COL26A1: variants seen among roughly 807,000 people sequenced by gnomAD.
COL26A1 encodes collagen type XXVI alpha 1 chain.
In COL26A1, 41 loss-of-function variants were observed where a neutral mutation model predicts 59.3. That is an observed-to-expected ratio of 0.69 (90% CI 0.54 to 0.90). The LOEUF is 0.90. Ranked by LOEUF, COL26A1 falls within the 40% of genes least tolerant of loss-of-function variation. The probability of loss-of-function intolerance (pLI) is 0.00; values close to 1 mark genes in which losing one functional copy is unlikely to be tolerated. For synonymous variants in COL26A1, 266 were observed against 256.0 expected (o/e 1.04, Z -0.37); for missense variants, 612 against 602.3 (o/e 1.02, Z -0.17).
intron 1 of COL26A1, among the ~76,000 whole-genome samples, chr7:101,409,061 AAGT>A (rs1792188667): frequency 6.6e-6 from 1 of 152,146 alleles, no homozygotes; most frequent in Non-Finnish European, 1.5e-5. Context: ...TTCTCTGTAA[AAGT>A]AGAATAATAA....
chr7:101,521,499 G>A (rs1053129277), intron 3 of COL26A1, among the ~76,000 whole-genome samples: 2 of 152,160 alleles, frequency 1.3e-5, no homozygotes, highest in Non-Finnish European at 2.9e-5. Flanking sequence ...TCCTGAAAGA[G>A]GTGGTGCTAG....
intron 3 of COL26A1, among the ~76,000 whole-genome samples, chr7:101,504,813 GTGTGTGTGTGTGTA>G (rs1212466926): frequency 6.6e-6 from 1 of 152,224 alleles, no homozygotes; most frequent in African/African-American, 2.4e-5. Flanking sequence ...CAGACTGTGT[GTGTGTGTGTGTGTA>G]TGTGTGTGTG....
At chr7:101,548,442 C>T (rs994411612) in intron 8 of COL26A1, among the ~76,000 whole-genome samples, 4 of 152,132 alleles carry the variant, frequency 2.6e-5, no homozygotes, top group East Asian at 1.9e-4. Flanking sequence ...GGCAGACAGA[C>T]GTGTAAACCT....
At chr7:101,411,498 G>A (rs1792240167) in intron 1 of COL26A1, among the ~76,000 whole-genome samples, 1 of 152,116 alleles carries the variant, frequency 6.6e-6, no homozygotes, top group Non-Finnish European at 1.5e-5. Flanking sequence ...CAGGCACGGT[G>A]CCTAATTGGC....
intron 3 of COL26A1, among the ~76,000 whole-genome samples, chr7:101,497,437 G>A (rs1223603284): frequency 1.3e-5 from 2 of 152,108 alleles, no homozygotes; most frequent in Non-Finnish European, 2.9e-5. Context: ...CACTTTGGAA[G>A]GTCAAGAAGG....
intron 1 of COL26A1, among the ~76,000 whole-genome samples, chr7:101,368,351 G>A (rs111363172): frequency 0.041 from 6,227 of 152,236 alleles, 245 homozygotes; most frequent in African/African-American, 0.093. Context: ...CCCAAATTGG[G>A]GCTTAGCCAG....
intron 2 of COL26A1, among the ~76,000 whole-genome samples, chr7:101,435,735 G>T (rs1792899625): frequency 6.6e-6 from 1 of 152,214 alleles, no homozygotes; most frequent in Non-Finnish European, 1.5e-5. Context: ...GGGGGGTTAA[G>T]TTTTCTTCGG....
intron 3 of COL26A1, among the ~76,000 whole-genome samples, chr7:101,462,481 T>C (rs1437062361): frequency 6.6e-6 from 1 of 151,980 alleles, no homozygotes; most frequent in Non-Finnish European, 1.5e-5. Flanking sequence ...CACACCTGGC[T>C]AATTTTTGTA....
chr7:101,463,991 G>A (rs1793697007), intron 3 of COL26A1, among the ~76,000 whole-genome samples: 1 of 135,440 alleles, frequency 7.4e-6, no homozygotes, highest in African/African-American at 2.8e-5. Context: ...TTTGTGACAG[G>A]GTCTTGCTCT....
intron 3 of COL26A1, among the ~76,000 whole-genome samples, chr7:101,448,221 G>A (rs1314247723): frequency 1.3e-5 from 2 of 152,336 alleles, no homozygotes; most frequent in Admixed American, 6.5e-5. Flanking sequence ...GAAGCTGACC[G>A]GTAGCTGCAG....
chr7:101,515,764 T>G (rs1050868586), intron 3 of COL26A1, among the ~76,000 whole-genome samples: 1 of 151,966 alleles, frequency 6.6e-6, no homozygotes, highest in Non-Finnish European at 1.5e-5. Context: ...AATTTTTGTA[T>G]TATTGGTAGA....
At chr7:101,548,604 G>C (rs1014863109) in intron 8 of COL26A1, among the ~76,000 whole-genome samples, 23 of 151,662 alleles carry the variant, frequency 1.5e-4, no homozygotes, top group Non-Finnish European at 7.4e-5. Context: ...GAGGAATAGG[G>C]AGGCTCCAGG....
At chr7:101,549,843 G>A (rs984845076) in intron 9 of COL26A1, among the ~76,000 whole-genome samples, 4 of 152,308 alleles carry the variant, frequency 2.6e-5, no homozygotes, top group African/African-American at 9.6e-5. Context: ...AGGCAGAGTT[G>A]GGCCAGGTCA....
At chr7:101,374,748 T>A (rs550486996) in intron 1 of COL26A1, among the ~76,000 whole-genome samples, 1 of 152,262 alleles carries the variant, frequency 6.6e-6, no homozygotes, top group East Asian at 1.9e-4. Flanking sequence ...TATTACAATG[T>A]CATAATAATA....
At chr7:101,468,029 G>C (rs546401016) in intron 3 of COL26A1, among the ~76,000 whole-genome samples, 1 of 152,086 alleles carries the variant, frequency 6.6e-6, no homozygotes, top group African/African-American at 2.4e-5. Context: ...TGTTAGAAAA[G>C]AAATGATTCA....
chr7:101,466,795 G>GGGGTGT (rs755331568), intron 3 of COL26A1, among the ~76,000 whole-genome samples: 1 of 125,174 alleles, frequency 8.0e-6, no homozygotes, highest in Middle Eastern at 3.9e-3. Flanking sequence ...GGCATGTTCT[G>GGGGTGT]GTGTGTGTGT....
chr7:101,403,498 G>C (rs975185104), intron 1 of COL26A1, among the ~76,000 whole-genome samples: 3 of 151,720 alleles, frequency 2.0e-5, no homozygotes, highest in Non-Finnish European at 4.4e-5. Context: ...CAGCCTGGGA[G>C]ACAGAGTGAG....
At chr7:101,387,922 A>G (rs1383928477) in intron 1 of COL26A1, among the ~76,000 whole-genome samples, 1 of 151,072 alleles carries the variant, frequency 6.6e-6, no homozygotes, top group Non-Finnish European at 1.5e-5. Context: ...GGCATGCGCC[A>G]CCATACCTGG....
intron 1 of COL26A1, among the ~76,000 whole-genome samples, chr7:101,373,739 A>G (rs551705085): frequency 1.8e-4 from 27 of 152,254 alleles, no homozygotes; most frequent in African/African-American, 6.5e-4. Context: ...TAGAGGAGGG[A>G]GACTTTTCCT....
Sources: allele counts gnomAD v4.1 joint callset (sites outside exome capture counted in the v4.1 genomes callset), GRCh38; gene constraint gnomAD v4.1.1; transcripts MANE v1.5; gene names NCBI Gene and HGNC (gene_info 2026-07-23, HGNC 2026-07-21).